Variants in MYPN observed in about 807,000 individuals in gnomAD.
MYPN encodes the protein sarcomeric protein myopalladin, 145 kDa (MYOP).
MYPN carries 63 observed loss-of-function variants against 129.4 expected under a neutral mutation model. The observed-to-expected ratio is 0.49, with a 90% CI of 0.40 to 0.60. The LOEUF is 0.60. MYPN is among the 20% of genes least tolerant of loss of function. The probability of loss-of-function intolerance (pLI) is 0.00; values close to 1 mark genes in which losing one functional copy is unlikely to be tolerated. For missense variants in MYPN, 1,596 were observed against 1,635.4 expected, an observed-to-expected ratio of 0.98 and a Z score of 0.42; for synonymous variants, 629 against 600.9, an observed-to-expected ratio of 1.05 and a Z score of -0.68.
intron 2 of MYPN, among the ~76,000 whole-genome samples, chr10:68,126,525 G>T (rs1191728307): frequency 6.6e-6 from 1 of 152,218 alleles, no homozygotes; most frequent in East Asian, 1.9e-4. Context: ...GCTGCGGAAG[G>T]TATCCTAGGC....
chr10:68,195,580 G>C (rs1473473253), intron 15 of MYPN, 48 bp downstream of exon 15: 1 of 1,473,552 alleles, frequency 6.8e-7, no homozygotes, highest in African/African-American at 1.4e-5. Context: ...CCAAGCACCT[G>C]CCCACTATCG....
chr10:68,175,367 C>A lies in MYPN; in HGVS notation c.2609C>A (p.Pro870Gln). 6.2e-7 allele frequency: 1 copy of A among 1,614,022 alleles called. No homozygotes were observed. Among genetic ancestry groups the A allele is most frequent in the Non-Finnish European group, 8.5e-7 (1 of 1,179,932 alleles). Residue 870 changes from proline to glutamine, a missense_variant, in exon 12 of 20, where the codon CCA becomes CAA. Coordinates refer to ENST00000358913, the MANE Select transcript of MYPN (RefSeq NM_032578.4). ...LAKKNTKSPQ[P>Q]VNDDNIRETK... ...AAGAAAAATACAAAGTCTCCTCAAC[C>A]AGTGAATGATGATAACATTCGTGAA...
chr10:68,135,407 A>C (rs1031690243), intron 2 of MYPN: 4 of 863,534 alleles, frequency 4.6e-6, no homozygotes, highest in Non-Finnish European at 5.6e-6. Context: ...AAAATTCAAC[A>C]TAACTTTATT....
At chr10:68,165,559 A>T (rs1181971217) in intron 8 of MYPN, 143 bp from the exon 9 acceptor site, 5 of 735,190 alleles carry the variant, frequency 6.8e-6, no homozygotes, top group Non-Finnish European at 9.7e-6. Context: ...CAATCAAACA[A>T]TTGTTTTGAC....
chr10:68,131,394 A>T (rs370095118), intron 2 of MYPN, among the ~76,000 whole-genome samples: 18 of 152,198 alleles, frequency 1.2e-4, no homozygotes, highest in African/African-American at 4.3e-4. Flanking sequence ...GTCTCAAAAA[A>T]AAAAAAAGAA....
rs1429017743 is a variant in MYPN, at chr10:68,211,788, C to A, written c.*1333C>A. 7 of 453,938 alleles carry A rather than the reference C, an allele frequency of 1.5e-5. No individual in the cohort carries two copies. Among genetic ancestry groups the A allele is most frequent in the Non-Finnish European group, 2.6e-5 (6 of 226,784 alleles). The allele number at this position is 453,938 out of a possible 1,614,324, so 28.1% of individuals were successfully genotyped here. Reference sequence around the variant, plus strand: ...ACCCACACACCAGTCCAAACACTGCCCTGGGAATGCTCATCACAGCACAGT... The same window carrying A: ...ACCCACACACCAGTCCAAACACTGCACTGGGAATGCTCATCACAGCACAGT... On this transcript the variant is annotated 3_prime_UTR_variant, in exon 20 of 20. Transcript: ENST00000358913.
In MYPN at chr10:68,173,847, GT is replaced by G. The variant is rs67971343; in HGVS notation, c.1974-217del. Among the ~76,000 whole-genome samples, 47 of 144,998 alleles carry G rather than the reference GT, an allele frequency of 3.2e-4. 1 individual carries two copies. Among genetic ancestry groups the G allele is most frequent in the South Asian group, 4.3e-4 (2 of 4,682 alleles). On this transcript the variant is annotated intron_variant, in intron 10 of 19. Transcript: ENST00000358913. ...TGTATATATAATTTTTTTTTTTTTT[GT>G]TAGAGACGGGGTTTCACCATGTTGC...
At chr10:68,155,885 G>T (rs1564667746) in intron 6 of MYPN, among the ~76,000 whole-genome samples, 2 of 152,274 alleles carry the variant, frequency 1.3e-5, no homozygotes, top group East Asian at 1.9e-4. Flanking sequence ...ACATTAGGAG[G>T]CCCATTCCAT....
At chr10:68,137,421 G>A (rs1256992024) in intron 2 of MYPN, among the ~76,000 whole-genome samples, 1 of 152,086 alleles carries the variant, frequency 6.6e-6, no homozygotes, top group Non-Finnish European at 1.5e-5. Flanking sequence ...AAATTAACTA[G>A]CAGTAGTTTC....
intron 10 of MYPN, among the ~76,000 whole-genome samples, chr10:68,173,267 A>G (rs1009367938): frequency 6.6e-6 from 1 of 152,184 alleles, no homozygotes; most frequent in Non-Finnish European, 1.5e-5. Context: ...TGGAGAATAC[A>G]GCATGTTCTC....
At chr10:68,116,259 T>G (rs2042155110) in intron 1 of MYPN, among the ~76,000 whole-genome samples, 1 of 148,026 alleles carries the variant, frequency 6.8e-6, no homozygotes, top group Admixed American at 6.7e-5. Context: ...ATGCTTAAAA[T>G]AGAAAGTTTT....
chr10:68,147,894 T>C (rs1032968296), intron 4 of MYPN, among the ~76,000 whole-genome samples: 2 of 152,252 alleles, frequency 1.3e-5, no homozygotes, highest in African/African-American at 4.8e-5. Flanking sequence ...TTCTACTTTC[T>C]GCCATGCCAA....
At position 68,210,426 on chromosome 10, in the gene MYPN, C is replaced by T. The variant is rs142354704; in HGVS notation, c.3934C>T (p.Arg1312Trp). 171 of 1,614,090 alleles carry T rather than the reference C, an allele frequency of 1.1e-4. No homozygotes were observed. The East Asian group carries it at 1.6e-3, about 16-fold the overall frequency. Residue 1312 changes from arginine (R) to tryptophan (W), a missense_variant, in exon 20 of 20, where the codon CGG (arginine) becomes TGG (tryptophan). Transcript: ENST00000358913. The stretch of plus-strand genomic sequence containing the variant: ...CACGATGGTGTATTCATGCTCTTCT[C>T]GGAGTGTAGTGGAGAGTGATGAACT... ...ESTMVYSCSS[R>W]SVVESDEL
intron 1 of MYPN, among the ~76,000 whole-genome samples, chr10:68,111,034 C>T (rs1739790098): frequency 6.6e-6 from 1 of 152,024 alleles, no homozygotes. Flanking sequence ...GTGTTAAAAC[C>T]CCAGTCTTCC....
At chr10:68,130,545 C>T (rs562992599) in intron 2 of MYPN, among the ~76,000 whole-genome samples, 131 of 149,756 alleles carry the variant, frequency 8.7e-4, no homozygotes, top group African/African-American at 2.3e-3. Flanking sequence ...ATATCCTCTT[C>T]TGGTTTCATT....
chr10:68,158,563 G>A lies in MYPN; in HGVS notation c.1395G>A (p.Lys465=), dbSNP rs200314343. The A allele has an allele frequency of 6.2e-7, 1 of 1,612,336 alleles. No homozygotes were observed. The highest frequency in any genetic ancestry group is 8.5e-7 in the Non-Finnish European group (1 of 1,178,370). The change falls in exon 7 of 20, where the codon AAG becomes AAA. Residue 465 remains lysine (K), a synonymous_variant. Coordinates refer to ENST00000358913, the MANE Select transcript of MYPN (RefSeq NM_032578.4). The part of the protein sequence containing the change: ...ECRVKGAPSP[K]VEWYREGTLI... ...GAGTAAAAGGAGCTCCATCTCCTAA[G>A]GTTGAGTGGTATAGAGAAGGGACTT...
intron 1 of MYPN, among the ~76,000 whole-genome samples, chr10:68,096,239 C>T (rs1199337104): frequency 2.0e-5 from 3 of 152,122 alleles, no homozygotes; most frequent in East Asian, 1.9e-4. Context: ...ATTGACTTGC[C>T]GTGTAACTCT....
rs544383831 is a variant in MYPN at position 68,151,577 on chromosome 10, A to C, written c.1317+1466A>C. Among the ~76,000 whole-genome samples, 5 of 152,296 alleles carry C rather than the reference A, an allele frequency of 3.3e-5. No individual in the cohort carries two copies. The South Asian group carries it at 1.0e-3, about 32-fold the overall frequency. ...TGTCTCTTATCATCATTGCTAAGTC[A>C]TCTAACCTTAAAACAGTGATTAAGT... On this transcript the variant is annotated intron_variant, in intron 6 of 19. Transcript: ENST00000358913.
chr10:68,094,434 G>C (rs1272353302), intron 1 of MYPN, among the ~76,000 whole-genome samples: 1 of 151,370 alleles, frequency 6.6e-6, no homozygotes, highest in South Asian at 2.1e-4. Flanking sequence ...CCCAATATTT[G>C]TATTTTTAGT....
Sources: gnomAD v4.1 joint callset for allele counts (sites outside exome capture counted in the v4.1 genomes callset) on GRCh38, gnomAD v4.1.1 for gene constraint, MANE v1.5 for transcripts, NCBI Gene and HGNC (gene_info 2026-07-23, HGNC 2026-07-21) for gene names.